Variants in AGBL4 observed in about 807,000 individuals in gnomAD.
AGBL4 encodes the protein cytosolic carboxypeptidase 6.
Under a neutral mutation model 66.4 loss-of-function variants are expected in AGBL4, and 58 were observed. The observed-to-expected ratio is 0.87, with a 90% CI of 0.71 to 1.09. AGBL4 has a LOEUF of 1.09. Ranked by LOEUF, AGBL4 falls within the 50% of genes least tolerant of loss-of-function variation. AGBL4 has a pLI of 0.00. For synonymous variants in AGBL4, 234 were observed against 222.9 expected (o/e 1.05, Z -0.44); for missense variants, 579 against 631.0 (o/e 0.92, Z 0.88).
At chr1:49,510,576 T>C (rs2148781548) in intron 3 of AGBL4, among the ~76,000 whole-genome samples, 1 of 151,284 alleles carries the variant, frequency 6.6e-6, no homozygotes, top group Middle Eastern at 3.4e-3. Context: ...GTGCAGAAGC[T>C]CTTTAGTTTA....
intron 6 of AGBL4, among the ~76,000 whole-genome samples, chr1:48,669,278 G>T (rs954850786): frequency 6.6e-6 from 1 of 152,176 alleles, no homozygotes; most frequent in Non-Finnish European, 1.5e-5. Flanking sequence ...CTGCCACATG[G>T]CTTCACCTAT....
At chr1:49,696,699 C>T (rs913728931) in intron 3 of AGBL4, among the ~76,000 whole-genome samples, 1 of 151,900 alleles carries the variant, frequency 6.6e-6, no homozygotes, top group Non-Finnish European at 1.5e-5. Flanking sequence ...AACTGAAACA[C>T]TTCTGGTCCC....
chr1:49,766,987 A>G (rs1652778500), intron 2 of AGBL4, among the ~76,000 whole-genome samples: 1 of 152,158 alleles, frequency 6.6e-6, no homozygotes, highest in Non-Finnish European at 1.5e-5. Context: ...AGTATTAGAC[A>G]GCCAAACCAG....
chr1:49,061,347 G>C (rs1447166056), intron 4 of AGBL4, among the ~76,000 whole-genome samples: 2 of 152,168 alleles, frequency 1.3e-5, no homozygotes, highest in African/African-American at 2.4e-5. Flanking sequence ...GGATCTTGAG[G>C]AGATACCCCT....
At chr1:49,511,552 G>A (rs536534402) in intron 3 of AGBL4, among the ~76,000 whole-genome samples, 62 of 151,270 alleles carry the variant, frequency 4.1e-4, no homozygotes, top group Middle Eastern at 3.4e-3. Flanking sequence ...ACATGTATAT[G>A]TATGTAACTA....
downstream of AGBL4, among the ~76,000 whole-genome samples, chr1:48,531,405 C>T (rs1248295188): frequency 6.6e-6 from 1 of 152,158 alleles, no homozygotes; most frequent in Non-Finnish European, 1.5e-5. Flanking sequence ...TGCTTCGGAG[C>T]ATTCAGCTTC....
At chr1:49,741,056 G>A (rs1278271255) in intron 2 of AGBL4, among the ~76,000 whole-genome samples, 1 of 150,744 alleles carries the variant, frequency 6.6e-6, no homozygotes, top group Non-Finnish European at 1.5e-5. Context: ...GATCAGAGCA[G>A]AACTGAAGTA....
At chr1:49,943,709 A>G (rs1462136489) in intron 1 of AGBL4, among the ~76,000 whole-genome samples, 1 of 148,622 alleles carries the variant, frequency 6.7e-6, no homozygotes, top group Non-Finnish European at 1.5e-5. Flanking sequence ...GGTACTGGGA[A>G]AAGGTCACAG....
At chr1:49,291,173 A>C (rs1425973935) in intron 3 of AGBL4, among the ~76,000 whole-genome samples, 1 of 152,228 alleles carries the variant, frequency 6.6e-6, no homozygotes, top group African/African-American at 2.4e-5. Context: ...TATTTATCAA[A>C]ATAATAAATT....
At chr1:49,849,945 A>G (rs1646264747) in intron 2 of AGBL4, among the ~76,000 whole-genome samples, 1 of 152,182 alleles carries the variant, frequency 6.6e-6, no homozygotes, top group Non-Finnish European at 1.5e-5. Flanking sequence ...GAAAGAATCA[A>G]AGATATTATG....
chr1:49,622,314 G>T (rs1022123992), intron 3 of AGBL4, among the ~76,000 whole-genome samples: 2 of 152,174 alleles, frequency 1.3e-5, no homozygotes, highest in African/African-American at 4.8e-5. Flanking sequence ...TTATGCCTCA[G>T]TTTTCTAGTT....
At chr1:48,542,280 T>C (rs1303166744) in intron 11 of AGBL4, among the ~76,000 whole-genome samples, 1 of 152,240 alleles carries the variant, frequency 6.6e-6, no homozygotes, top group Non-Finnish European at 1.5e-5. Flanking sequence ...TTTTCTATTG[T>C]GAATAGTGCT....
chr1:49,888,934 A>T (rs1571809833), intron 1 of AGBL4, among the ~76,000 whole-genome samples: 1 of 152,364 alleles, frequency 6.6e-6, no homozygotes. Flanking sequence ...AACAAAAAAC[A>T]AAATAAATAA....
At chr1:48,953,326 A>C (rs1405562258) in intron 5 of AGBL4, among the ~76,000 whole-genome samples, 1 of 152,146 alleles carries the variant, frequency 6.6e-6, no homozygotes, top group Non-Finnish European at 1.5e-5. Flanking sequence ...CCACCGATTC[A>C]ACTTTATTGC....
chr1:49,826,585 C>T (rs772133460), intron 2 of AGBL4, among the ~76,000 whole-genome samples: 27 of 152,168 alleles, frequency 1.8e-4, no homozygotes, highest in Admixed American at 3.3e-4. Context: ...ATAACTGTAT[C>T]CCTGTATAGA....
intron 3 of AGBL4, among the ~76,000 whole-genome samples, chr1:49,600,895 A>C (rs540874173): frequency 2.2e-4 from 33 of 152,250 alleles, no homozygotes; most frequent in African/African-American, 6.7e-4. Flanking sequence ...TTATGAAGTT[A>C]GTTTGGCTGG....
chr1:49,018,126 C>T (rs1286875953), intron 5 of AGBL4, among the ~76,000 whole-genome samples: 1 of 152,154 alleles, frequency 6.6e-6, no homozygotes, highest in African/African-American at 2.4e-5. Flanking sequence ...TACCTGACCC[C>T]GCCTTTGATT....
chr1:49,626,625 A>C (rs1271410373), intron 3 of AGBL4, among the ~76,000 whole-genome samples: 2 of 151,194 alleles, frequency 1.3e-5, no homozygotes, highest in African/African-American at 4.9e-5. Flanking sequence ...TTCATCCCTA[A>C]GTAGCCAGTT....
intron 1 of AGBL4, among the ~76,000 whole-genome samples, chr1:49,928,101 G>C (rs1652973811): frequency 6.6e-6 from 1 of 151,994 alleles, no homozygotes; most frequent in Non-Finnish European, 1.5e-5. Flanking sequence ...GATTCACATT[G>C]AACATTGTAG....
Sources: gnomAD v4.1 joint callset for allele counts (sites outside exome capture counted in the v4.1 genomes callset) on GRCh38, gnomAD v4.1.1 for gene constraint, MANE v1.5 for transcripts, NCBI Gene and HGNC (gene_info 2026-07-23, HGNC 2026-07-21) for gene names.